The following CYP11B1 variants were observed in gnomAD, a reference collection of about 807,000 sequenced individuals.
CYP11B1 encodes cytochrome P450 11B1, mitochondrial.
A neutral mutation model predicts 48.3 loss-of-function variants in CYP11B1; 34 were observed. That is an observed-to-expected ratio of 0.70 (90% confidence interval 0.54 to 0.94). CYP11B1 has a LOEUF of 0.94. Among genes scored for constraint, CYP11B1 ranks in the 40% least tolerant of loss-of-function variants. The probability of loss-of-function intolerance (pLI) is 0.00; values close to 1 mark genes in which losing one functional copy is unlikely to be tolerated. For synonymous variants in CYP11B1, 291 were observed against 262.5 expected (o/e 1.11, Z -1.05); for missense variants, 688 against 657.4 (o/e 1.05, Z -0.51).
At position 142,874,141 on chromosome 8, in the gene CYP11B1, G is replaced by A. The variant is rs1816862913; in HGVS notation, c.*232C>T. 1.7e-6 allele frequency: 1 copy of A among 585,480 alleles called. No homozygotes were observed. Among genetic ancestry groups the A allele is most frequent in the African/African-American group, 1.9e-5 (1 of 53,808 alleles). The allele number at this position is 585,480 out of a possible 1,614,324, so 36.3% of individuals were successfully genotyped here. ...ACAGTGCTTGCTGGAGAAAGGGCCA[G>A]GTGGGGCTGGGGACAAGGTCAGCAA... On this transcript the variant is annotated 3_prime_UTR_variant, in exon 9 of 9. Coordinates refer to ENST00000292427, the MANE Select transcript of CYP11B1 (RefSeq NM_000497.4).
At chr8:142,879,256 A>G in intron 1 of CYP11B1, 69 bp from the exon 2 acceptor site, 4 of 1,611,476 alleles carry the variant, frequency 2.5e-6, no homozygotes, top group Non-Finnish European at 3.4e-6. Context: ...TGCAGTCCCA[A>G]TCCAAAGTGT....
intron 8 of CYP11B1, 74 bp downstream of exon 8, chr8:142,874,883 G>C: frequency 6.4e-7 from 1 of 1,573,812 alleles, no homozygotes; most frequent in Non-Finnish European, 8.7e-7. Flanking sequence ...GCCGAGGCCA[G>C]TCCCACATTG....
At position 142,874,212 on chromosome 8, in the gene CYP11B1, C is replaced by T; in HGVS notation, c.*161G>A. 1 of 675,192 alleles carries T rather than the reference C, an allele frequency of 1.5e-6. No homozygotes were observed. Among genetic ancestry groups the T allele is most frequent in the East Asian group, 2.7e-5 (1 of 36,940 alleles). The allele number at this position is 675,192 out of a possible 1,614,324, so 41.8% of individuals were successfully genotyped here. ...TGGCATTGCTGCTTAGCCTGGCAAA[C>T]CCTGGTCCTAGAGGCCCTCGGGAGT... On this transcript the variant is annotated 3_prime_UTR_variant, in exon 9 of 9. Transcript: ENST00000292427.
chr8:142,879,509 G>A (rs370524170), intron 1 of CYP11B1, 66 bp downstream of exon 1: 55 of 1,613,958 alleles, frequency 3.4e-5, no homozygotes, highest in African/African-American at 2.5e-4. Flanking sequence ...CTGAGTGCCC[G>A]GCAGGGTCCT....
chr8:142,875,329 C>A lies in CYP11B1; in HGVS notation c.1122-17G>T, dbSNP rs751135858. 6 of 1,609,630 alleles carry A rather than the reference C, an allele frequency of 3.7e-6. No individual in the cohort carries two copies. The South Asian group carries it at 6.6e-5, about 18-fold the overall frequency. On this transcript the variant is annotated splice_polypyrimidine_tract_variant and intron_variant, in intron 6 of 8. Coordinates refer to ENST00000292427, the MANE Select transcript of CYP11B1 (RefSeq NM_000497.4). ...GGGTAGAGCCTGGAGGTGGGGGCATCCATAGAAAGGGTCCTCAGCTGGATG... is the reference window on the plus strand; with the variant it reads ...GGGTAGAGCCTGGAGGTGGGGGCATACATAGAAAGGGTCCTCAGCTGGATG...
rs758533779 is a variant in CYP11B1, at chr8:142,879,724, C to A, written c.90G>T (p.Arg30=). The change falls in exon 1 of 9, where the codon CGG becomes CGT. Residue 30 remains arginine, a synonymous_variant. Transcript: ENST00000292427. ...CAAAGGGCAGCACTGTCCTGGGGACCCGGGCGGCTCTCGTGCCCAGTGCCT... is the reference window on the plus strand; with the variant it reads ...CAAAGGGCAGCACTGTCCTGGGGACACGGGCGGCTCTCGTGCCCAGTGCCT... ...RAQALGTRAA[R]VPRTVLPFEA... 6.8e-6 allele frequency: 11 copies of A among 1,614,246 alleles called. No individual in the cohort carries two copies. Among genetic ancestry groups the A allele is most frequent in the Non-Finnish European group, 9.3e-6 (11 of 1,180,044 alleles).
In CYP11B1 at chr8:142,876,836, G is replaced by C; in HGVS notation, c.645C>G (p.Ser215Arg). ...GGAAGTTCAGGCTGGCAGAACTGGGGCTGTGGCCAACCAGGCCCAGCCGCT... is the reference window on the plus strand; with the variant it reads ...GGAAGTTCAGGCTGGCAGAACTGGGCCTGTGGCCAACCAGGCCCAGCCGCT... ...FGERLGLVGH[S>R]PSSASLNFLH... Residue 215 changes from serine (S) to arginine (R), a missense_variant, in exon 4 of 9, where the codon AGC (serine) becomes AGG (arginine). By Grantham distance (110) the Ser-to-Arg change is moderately radical. Coordinates refer to ENST00000292427, the MANE Select transcript of CYP11B1 (RefSeq NM_000497.4). 2 of 1,614,126 alleles carry C rather than the reference G, an allele frequency of 1.2e-6. No homozygotes were observed. Among genetic ancestry groups the C allele is most frequent in the Admixed American group, 1.7e-5 (1 of 60,020 alleles).
At chr8:142,876,108 C>G (rs1164863656) in intron 5 of CYP11B1, 133 bp downstream of exon 5, 1 of 1,350,624 alleles carries the variant, frequency 7.4e-7, no homozygotes, top group Non-Finnish European at 1.0e-6. Flanking sequence ...TATCACATCA[C>G]AATCCCAAGT....
chr8:142,876,242 G>T lies in CYP11B1; in HGVS notation c.953C>A (p.Thr318Lys), dbSNP rs104894061. The T allele has an allele frequency of 6.2e-7, 1 of 1,614,066 alleles. No individual in the cohort carries two copies. The highest frequency in any genetic ancestry group is 8.5e-7 in the Non-Finnish European group (1 of 1,180,040). Residue 318 changes from threonine to lysine, a missense_variant and splice_region_variant, in exon 5 of 9, where the codon ACG becomes AAG. Thr to Lys is a moderately conservative substitution (Grantham distance 78, BLOSUM62 -1). Transcript: ENST00000292427. ...GGTGGGGCTGGTTGCCGGCCTGACC[G>T]TGTCCACGCTCCCTGCAGTGAGTTC... Reference protein sequence around the residue: ...SMELTAGSVDTTVFPLLMTLF... With the variant: ...SMELTAGSVDKTVFPLLMTLF...
In CYP11B1 at chr8:142,876,969, C is replaced by T. The variant is rs1439268739; in HGVS notation, c.595+54G>A. ...CACACTCCCTTCAGTCCCCCATCCC[C>T]GTCCCTGGCCACTCCAGGGTCTCTG... On this transcript the variant is annotated intron_variant, in intron 3 of 8. Transcript: ENST00000292427. 24 of 1,612,112 alleles carry T rather than the reference C, an allele frequency of 1.5e-5. 1 individual carries two copies. Among genetic ancestry groups the T allele is most frequent in the African/African-American group, 9.3e-5 (7 of 74,888 alleles).
rs1243569304 is a variant in CYP11B1 at position 142,876,673 on chromosome 8, T to C, written c.799+9A>G. On this transcript the variant is annotated intron_variant, in intron 4 of 8. Coordinates refer to ENST00000292427, the MANE Select transcript of CYP11B1 (RefSeq NM_000497.4). The stretch of plus-strand genomic sequence containing the variant: ...TTCCCCATAGCACTGCCCGGGTCCC[T>C]GGCCTCACCGTACTGGAAGATGCAG... The C allele has an allele frequency of 6.2e-7, 1 of 1,604,778 alleles. No individual in the cohort carries two copies. The highest frequency in any genetic ancestry group is 1.7e-5 in the Admixed American group (1 of 58,786).
rs573329459 is a variant in CYP11B1, at chr8:142,873,146, G to A, written c.*1227C>T. 9.2e-5 allele frequency: 14 copies of A among 152,364 alleles called. No homozygotes were observed. Among genetic ancestry groups the A allele is most frequent in the African/African-American group, 3.4e-4 (14 of 41,582 alleles). 9.4% of individuals were successfully genotyped at this position (152,364 alleles called of 1,614,324 possible). On this transcript the variant is annotated 3_prime_UTR_variant, in exon 9 of 9. Transcript: ENST00000292427. ...CTGGGGCACTTCATCTCCCTGTACA[G>A]GCTGAGTCCTGCAGGGCGTCCTGGA...
At position 142,875,892 on chromosome 8, in the gene CYP11B1, A is replaced by G. The variant is rs550454331; in HGVS notation, c.955-14T>C. The stretch of plus-strand genomic sequence containing the variant: ...GGGAAACACCGTCTGCAGGAGACAC[A>G]GCTGCAGGGTCAGACCTTGCACAGG... On this transcript the variant is annotated splice_polypyrimidine_tract_variant and intron_variant, in intron 5 of 8. Coordinates refer to ENST00000292427, the MANE Select transcript of CYP11B1 (RefSeq NM_000497.4). 22 of 1,614,024 alleles carry G rather than the reference A, an allele frequency of 1.4e-5. No homozygotes were observed. The East Asian group carries it at 3.3e-4, about 25-fold the overall frequency.
Position 142,874,622 on chromosome 8 carries a change from G to A in CYP11B1, c.1399-136C>T, listed in dbSNP as rs1301023101. The A allele has an allele frequency of 9.4e-6, 7 of 744,810 alleles. No homozygotes were observed. In the East Asian group the frequency reaches 1.8e-4, roughly 19 times the overall value. 46.1% of individuals were successfully genotyped at this position (744,810 alleles called of 1,614,324 possible). The stretch of plus-strand genomic sequence containing the variant: ...CTGGCCTCCAACCTGTTTCATTCCT[G>A]ACCAGCCCCACCTTACAGCCCAGGC... On this transcript the variant is annotated intron_variant, in intron 8 of 8. Coordinates refer to ENST00000292427, the MANE Select transcript of CYP11B1 (RefSeq NM_000497.4).
chr8:142,876,177 A>T, intron 5 of CYP11B1, 64 bp downstream of exon 5: 1 of 1,608,866 alleles, frequency 6.2e-7, no homozygotes, highest in Non-Finnish European at 8.5e-7. Context: ...TGACATTGGC[A>T]GGCAGTGCCT....
chr8:142,874,191 A>G lies in CYP11B1; in HGVS notation c.*182T>C, dbSNP rs1446481558. ...AGATCTTCCCCAGCTGTGCCCTGGC[A>G]TTGCTGCTTAGCCTGGCAAACCCTG... is the stretch of plus-strand genomic sequence containing the variant. On this transcript the variant is annotated 3_prime_UTR_variant, in exon 9 of 9. Coordinates refer to ENST00000292427, the MANE Select transcript of CYP11B1 (RefSeq NM_000497.4). 7 of 642,984 alleles carry G rather than the reference A, an allele frequency of 1.1e-5. No homozygotes were observed. Among genetic ancestry groups the G allele is most frequent in the South Asian group, 1.7e-5 (1 of 57,214 alleles). The allele number at this position is 642,984 out of a possible 1,614,324, so 39.8% of individuals were successfully genotyped here. A position where few individuals can be genotyped will look rare whatever the true frequency, so the allele number is the denominator to read the frequency against.
chr8:142,879,093 T>G lies in CYP11B1; in HGVS notation c.334A>C (p.Ser112Arg), dbSNP rs770400476. 6.2e-7 allele frequency: 1 copy of G among 1,614,014 alleles called. No individual in the cohort carries two copies. Among genetic ancestry groups the G allele is most frequent in the Non-Finnish European group, 8.5e-7 (1 of 1,179,876 alleles). ...CTGTAGGCCACCCAGGGCTCCAGGC[T>G]CATCCTGTGGGGATGCAGGCTGTCC... Reference protein sequence around the residue: ...QVDSLHPHRMSLEPWVAYRQH... With the variant: ...QVDSLHPHRMRLEPWVAYRQH... The change falls in exon 2 of 9, where the codon AGC becomes CGC. Residue 112 changes from serine (S) to arginine (R), a missense_variant. Transcript: ENST00000292427.
chr8:142,876,148 G>T, intron 5 of CYP11B1, 93 bp downstream of exon 5: 1 of 1,539,782 alleles, frequency 6.5e-7, no homozygotes, highest in Non-Finnish European at 9.0e-7. Flanking sequence ...GCCTGGGGAT[G>T]GGACACGTGG....
At chr8:142,874,898 A>T (rs565297677) in intron 8 of CYP11B1, 59 bp downstream of exon 8, 12 of 1,599,240 alleles carry the variant, frequency 7.5e-6, no homozygotes, top group African/African-American at 4.0e-5. Context: ...ACATTGCTCA[A>T]GCCCCGCCCA....
Sources: gnomAD v4.1 joint callset for allele counts on GRCh38, gnomAD v4.1.1 for gene constraint, MANE v1.5 for transcripts, NCBI Gene and HGNC (gene_info 2026-07-23, HGNC 2026-07-21) for gene names.